CCNB1IP1: variants seen among roughly 807,000 people sequenced by gnomAD.
The protein encoded by CCNB1IP1 is E3 ubiquitin-protein ligase CCNB1IP1.
CCNB1IP1 carries 14 observed loss-of-function variants against 25.6 expected under a neutral mutation model. That is an observed-to-expected ratio of 0.55 (90% CI 0.36 to 0.85). The LOEUF is 0.85. Ranked by LOEUF, CCNB1IP1 falls within the 40% of genes least tolerant of loss-of-function variation. The pLI, the probability that CCNB1IP1 is intolerant of heterozygous loss-of-function variation, is 0.01. For synonymous variants in CCNB1IP1, 119 were observed against 116.1 expected (o/e 1.02, Z -0.16); for missense variants, 278 against 342.4 (o/e 0.81, Z 1.48).
At chr14:20,327,373 C>T (rs1302762039) in intron 2 of CCNB1IP1, among the ~76,000 whole-genome samples, 1 of 151,842 alleles carries the variant, frequency 6.6e-6, no homozygotes. Context: ...CTTTACTCTT[C>T]GTAATCCTTT....
chr14:20,332,018 ATATATATATTTTTT>A (rs1220301470), intron 1 of CCNB1IP1, among the ~76,000 whole-genome samples: 5 of 61,810 alleles, frequency 8.1e-5, no homozygotes, highest in African/African-American at 3.5e-4. Flanking sequence ...ATATATATAT[ATATATATATTTTTT>A]TTTTTTTTTT....
At chr14:20,312,681 T>C (rs1282970902) in intron 6 of CCNB1IP1, among the ~76,000 whole-genome samples, 1 of 149,484 alleles carries the variant, frequency 6.7e-6, no homozygotes, top group East Asian at 2.0e-4. Flanking sequence ...GCATAAAGAG[T>C]AGTATAAAGG....
intron 4 of CCNB1IP1, 110 bp from the exon 5 acceptor site, chr14:20,316,670 A>G (rs1882709568): frequency 1.7e-6 from 1 of 598,102 alleles, no homozygotes; most frequent in African/African-American, 1.9e-5. Context: ...ACATTTTATT[A>G]TATTCCTTGT....
intron 1 of CCNB1IP1, among the ~76,000 whole-genome samples, chr14:20,330,054 A>G (rs1304994628): frequency 2.6e-5 from 4 of 150,982 alleles, no homozygotes; most frequent in Admixed American, 6.6e-5. Flanking sequence ...CCAGCTAGTG[A>G]GTAGAAAGGC....
At chr14:20,312,419 T>C (rs1223956049) in intron 6 of CCNB1IP1, among the ~76,000 whole-genome samples, 2 of 151,942 alleles carry the variant, frequency 1.3e-5, no homozygotes, top group African/African-American at 2.4e-5. Flanking sequence ...TCTCACTATA[T>C]TGCCCAGGCT....
intron 1 of CCNB1IP1, chr14:20,330,961 A>G (rs1213132111): frequency 6.6e-6 from 1 of 152,158 alleles, no homozygotes; most frequent in Non-Finnish European, 1.5e-5. Flanking sequence ...ACTCCAATGT[A>G]TTATGAAGTC....
At chr14:20,332,904 G>A (rs1001171181) in intron 1 of CCNB1IP1, 1 of 152,176 alleles carries the variant, frequency 6.6e-6, no homozygotes, top group Non-Finnish European at 1.5e-5. Flanking sequence ...CACCCAGGGA[G>A]ATATAAATCA....
At chr14:20,332,028 T>TATATATATATATA (rs58878346) in intron 1 of CCNB1IP1, among the ~76,000 whole-genome samples, 1 of 27,106 alleles carries the variant, frequency 3.7e-5, no homozygotes, top group Non-Finnish European at 7.2e-5. Flanking sequence ...ATATATATAT[T>TATATATATATATA]TTTTTTTTTT....
At chr14:20,312,412 C>T (rs1882526589) in intron 6 of CCNB1IP1, among the ~76,000 whole-genome samples, 1 of 151,660 alleles carries the variant, frequency 6.6e-6, no homozygotes, top group Admixed American at 6.6e-5. Context: ...GACAGGGTCT[C>T]ACTATATTGC....
intron 1 of CCNB1IP1, chr14:20,330,589 T>A (rs1355900809): frequency 6.6e-6 from 1 of 151,880 alleles, no homozygotes; most frequent in Non-Finnish European, 1.5e-5. Context: ...AACTCCAAGA[T>A]ATTGTGTCCT....
chr14:20,324,839 T>A (rs1883016251), intron 4 of CCNB1IP1, among the ~76,000 whole-genome samples: 1 of 152,098 alleles, frequency 6.6e-6, no homozygotes, highest in Non-Finnish European at 1.5e-5. Flanking sequence ...CTCTTTTTTT[T>A]GGAGACGGAA....
chr14:20,320,575 A>G (rs1172772752), intron 4 of CCNB1IP1, among the ~76,000 whole-genome samples: 1 of 152,160 alleles, frequency 6.6e-6, no homozygotes, highest in Non-Finnish European at 1.5e-5. Context: ...AGGCCAAGGC[A>G]GGTGGATCAC....
At chr14:20,332,026 A>ATAT (rs59034398) in intron 1 of CCNB1IP1, among the ~76,000 whole-genome samples, 10 of 40,738 alleles carry the variant, frequency 2.5e-4, no homozygotes, top group South Asian at 3.0e-3. Context: ...ATATATATAT[A>ATAT]TTTTTTTTTT....
chr14:20,316,647 C>A (rs1162968804), intron 4 of CCNB1IP1, 87 bp from the exon 5 acceptor site: 4 of 659,128 alleles, frequency 6.1e-6, no homozygotes, highest in African/African-American at 1.8e-5. Flanking sequence ...ACGTTTTTAT[C>A]ATAAAATACT....
intron 4 of CCNB1IP1, among the ~76,000 whole-genome samples, chr14:20,325,204 G>A (rs1218366764): frequency 1.3e-5 from 2 of 150,620 alleles, no homozygotes; most frequent in Admixed American, 6.6e-5. Context: ...GGCGGATCAC[G>A]AGGTCAGGAG....
chr14:20,313,394 G>T, intron 6 of CCNB1IP1, 74 bp downstream of exon 6: 1 of 1,187,652 alleles, frequency 8.4e-7, no homozygotes, highest in Non-Finnish European at 1.2e-6. Context: ...TCGACTGAAT[G>T]CTTGGAAGTG....
At chr14:20,315,014 C>T (rs1388413949) in intron 5 of CCNB1IP1, among the ~76,000 whole-genome samples, 2 of 148,514 alleles carry the variant, frequency 1.3e-5, no homozygotes. Context: ...TGGCGTGAAC[C>T]CGGGAGGCAG....
At chr14:20,326,644 C>G (rs759844660) in intron 3 of CCNB1IP1, 72 bp downstream of exon 3, 1 of 378,560 alleles carries the variant, frequency 2.6e-6, no homozygotes, top group Non-Finnish European at 5.5e-6. Context: ...CTAATAACAC[C>G]GAGTCCCAAG....
chr14:20,328,982 T>C (rs1443127409), intron 2 of CCNB1IP1, among the ~76,000 whole-genome samples, 192 bp downstream of exon 2: 1 of 152,206 alleles, frequency 6.6e-6, no homozygotes, highest in Non-Finnish European at 1.5e-5. Flanking sequence ...ATTTTATATG[T>C]GTGAACAGAT....
Sources: gnomAD v4.1 joint callset for allele counts (sites outside exome capture counted in the v4.1 genomes callset) on GRCh38, gnomAD v4.1.1 for gene constraint, MANE v1.5 for transcripts, NCBI Gene and HGNC (gene_info 2026-07-23, HGNC 2026-07-21) for gene names.